Variants in SLC16A10 observed in about 807,000 individuals in gnomAD.
The protein encoded by SLC16A10 is solute carrier family 16 member 10.
In SLC16A10, 27 loss-of-function variants were observed where a neutral mutation model predicts 40.0. The ratio of observed to expected loss-of-function variants is 0.67; its 90% CI spans 0.50 to 0.93. SLC16A10 has a LOEUF of 0.93. SLC16A10 is among the 40% of genes least tolerant of loss of function. SLC16A10 has a pLI of 0.00. For missense variants in SLC16A10, 529 were observed against 658.2 expected, an observed-to-expected ratio of 0.80 and a Z score of 2.15; for synonymous variants, 213 against 249.8, an observed-to-expected ratio of 0.85 and a Z score of 1.39.
chr6:111,170,074 C>T (rs1355050487), intron 1 of SLC16A10, among the ~76,000 whole-genome samples: 3 of 151,964 alleles, frequency 2.0e-5, no homozygotes, highest in South Asian at 4.2e-4. Context: ...TGAGCCAACA[C>T]GGGCGGCTAA....
intron 2 of SLC16A10, among the ~76,000 whole-genome samples, chr6:111,176,188 G>A (rs1772681617): frequency 6.6e-6 from 1 of 151,936 alleles, no homozygotes; most frequent in Admixed American, 6.6e-5. Flanking sequence ...AGAGGGAGAA[G>A]GGCATCTCAG....
rs577410209 is a variant in SLC16A10, at chr6:111,223,116, G to C, written c.*881G>C. 6.6e-6 allele frequency: 1 copy of C among 152,322 alleles called. No individual in the cohort carries two copies. The highest frequency in any genetic ancestry group is 2.4e-5 in the African/African-American group (1 of 41,582). 9.4% of individuals were successfully genotyped at this position (152,322 alleles called of 1,614,324 possible). A position where few individuals can be genotyped will look rare whatever the true frequency, so the allele number is the denominator to read the frequency against. ...CTTACTGAGCAGCTATCAAGTGGCA[G>C]TTACAGGCACAAATTGGTGGAGGCT... is the stretch of plus-strand genomic sequence containing the variant. On this transcript the variant is annotated 3_prime_UTR_variant, in exon 6 of 6. Transcript: ENST00000368851.
rs748780711 is a variant in SLC16A10 at position 111,219,186 on chromosome 6, T to C, written c.1315+144T>C. 7.7e-5 allele frequency: 57 copies of C among 741,660 alleles called. 1 individual carries two copies. The highest frequency in any genetic ancestry group is 2.7e-4 in the Middle Eastern group (1 of 3,754). 45.9% of individuals were successfully genotyped at this position (741,660 alleles called of 1,614,324 possible). A position where few individuals can be genotyped will look rare whatever the true frequency, so the allele number is the denominator to read the frequency against. ...TTTTATGTGTGCCTTACTGGTAACATTTTTAATAAGACTAGCTATTAAACA... is the reference window on the plus strand; with the variant it reads ...TTTTATGTGTGCCTTACTGGTAACACTTTTAATAAGACTAGCTATTAAACA... On this transcript the variant is annotated intron_variant, in intron 5 of 5. Transcript: ENST00000368851.
At chr6:111,220,844 A>T (rs2114596482) in intron 5 of SLC16A10, among the ~76,000 whole-genome samples, 1 of 152,354 alleles carries the variant, frequency 6.6e-6, no homozygotes, top group South Asian at 2.1e-4. Context: ...GAACACCACC[A>T]CACAGCAACT....
intron 1 of SLC16A10, among the ~76,000 whole-genome samples, chr6:111,100,084 T>G (rs996931446): frequency 6.6e-6 from 1 of 152,074 alleles, no homozygotes; most frequent in African/African-American, 2.4e-5. Context: ...AGGAAAAGAT[T>G]ATGTTTCAAA....
chr6:111,172,890 A>G, intron 2 of SLC16A10, 51 bp downstream of exon 2: 1 of 1,580,258 alleles, frequency 6.3e-7, no homozygotes, highest in Non-Finnish European at 8.6e-7. Flanking sequence ...TAGATACCTT[A>G]AAGTTTTACT....
chr6:111,122,446 C>T (rs1056082214), intron 1 of SLC16A10, among the ~76,000 whole-genome samples: 2 of 152,192 alleles, frequency 1.3e-5, no homozygotes, highest in African/African-American at 4.8e-5. Context: ...TTTAATGACC[C>T]ACTAGTGCCC....
chr6:111,189,135 A>G (rs1321780329), intron 3 of SLC16A10, among the ~76,000 whole-genome samples: 2 of 152,234 alleles, frequency 1.3e-5, no homozygotes, highest in East Asian at 1.9e-4. Context: ...ACACAGCTCA[A>G]TAAACAAGTA....
At position 111,179,784 on chromosome 6, in the gene SLC16A10, G is replaced by T. The variant is rs6936336; in HGVS notation, c.942+2119G>T. Among the ~76,000 whole-genome samples the T allele has an allele frequency of 3.9e-3, 597 of 152,276 alleles. 6 individuals carry two copies. The highest frequency in any genetic ancestry group is 0.013 in the African/African-American group (559 of 41,554). On this transcript the variant is annotated intron_variant, in intron 3 of 5. Transcript: ENST00000368851. ...AAATATGTTGACATTGTTCATTTGA[G>T]ATTTTCTCTTTCTCATAACGGTGCC...
intron 3 of SLC16A10, among the ~76,000 whole-genome samples, chr6:111,183,165 T>G (rs1772833910): frequency 1.3e-5 from 2 of 152,320 alleles, no homozygotes; most frequent in Middle Eastern, 3.4e-3. Context: ...CTCTCCGAGC[T>G]TCCATCGCTG....
At position 111,136,351 on chromosome 6, in the gene SLC16A10, G is replaced by C. The variant is rs1771877603; in HGVS notation, c.344-36344G>C. On this transcript the variant is annotated intron_variant, in intron 1 of 5. Coordinates refer to ENST00000368851, the MANE Select transcript of SLC16A10 (RefSeq NM_018593.5). ...GTAAGGAAATTGATGTAGTGGCAAA[G>C]GGTTGGCCTCATTGTTTACGGGTAG... Among the ~76,000 whole-genome samples the C allele has an allele frequency of 3.3e-5, 5 of 152,332 alleles. No homozygotes were observed. The South Asian group carries it at 1.0e-3, about 32-fold the overall frequency.
chr6:111,207,728 G>A (rs1360729772), intron 4 of SLC16A10, among the ~76,000 whole-genome samples: 1 of 151,532 alleles, frequency 6.6e-6, no homozygotes, highest in South Asian at 2.1e-4. Flanking sequence ...AGCATGCTCC[G>A]AGCAGAGACA....
At chr6:111,215,860 C>T (rs968144491) in intron 4 of SLC16A10, among the ~76,000 whole-genome samples, 5 of 151,962 alleles carry the variant, frequency 3.3e-5, no homozygotes, top group East Asian at 1.9e-4. Context: ...AAAAATTAGC[C>T]GGGCATAGTG....
intron 1 of SLC16A10, among the ~76,000 whole-genome samples, chr6:111,137,833 G>A (rs561630784): frequency 7.9e-5 from 12 of 152,320 alleles, no homozygotes; most frequent in African/African-American, 2.4e-4. Context: ...CTTTAAACAC[G>A]GGGCTTGCAA....
At chr6:111,111,250 T>G (rs1333908778) in intron 1 of SLC16A10, among the ~76,000 whole-genome samples, 1 of 152,212 alleles carries the variant, frequency 6.6e-6, no homozygotes, top group African/African-American at 2.4e-5. Context: ...AATTGTATAT[T>G]TAACATGCAT....
intron 1 of SLC16A10, among the ~76,000 whole-genome samples, chr6:111,116,219 T>A (rs1180303819): frequency 6.7e-6 from 1 of 148,934 alleles, no homozygotes; most frequent in East Asian, 2.0e-4. Flanking sequence ...GTTTTTGTTA[T>A]TTTTTTTTTG....
chr6:111,119,628 ATGTT>A (rs997353116), intron 1 of SLC16A10, among the ~76,000 whole-genome samples: 8 of 152,202 alleles, frequency 5.3e-5, no homozygotes, highest in African/African-American at 7.2e-5. Flanking sequence ...TATGGACTGA[ATGTT>A]TGTAACCCCC....
chr6:111,171,105 C>G (rs1289425084), intron 1 of SLC16A10, among the ~76,000 whole-genome samples: 1 of 152,102 alleles, frequency 6.6e-6, no homozygotes, highest in Admixed American at 6.5e-5. Flanking sequence ...TCACCGCACT[C>G]CAGCCTGGGT....
At position 111,172,807 on chromosome 6, in the gene SLC16A10, A is replaced by G; in HGVS notation, c.456A>G (p.Gly152=). The G allele has an allele frequency of 6.2e-7, 1 of 1,613,988 alleles. No individual in the cohort carries two copies. The highest frequency in any genetic ancestry group is 8.5e-7 in the Non-Finnish European group (1 of 1,179,988). The change falls in exon 2 of 6, where the codon GGA becomes GGG. Residue 152 remains glycine (G), a synonymous_variant. Coordinates refer to ENST00000368851, the MANE Select transcript of SLC16A10 (RefSeq NM_018593.5). The part of the protein sequence containing the change: ...RKTAVVGAAV[G]FVGLMSSSFV... ...CAGCTGTCGTGGGTGCTGCTGTTGG[A>G]TTTGTTGGGCTCATGTCCAGTTCTT...
Sources: gnomAD v4.1 joint callset for allele counts (sites outside exome capture counted in the v4.1 genomes callset) on GRCh38, gnomAD v4.1.1 for gene constraint, MANE v1.5 for transcripts, NCBI Gene and HGNC (gene_info 2026-07-23, HGNC 2026-07-21) for gene names.